Variants in NAALADL2 observed in about 807,000 individuals in gnomAD.
NAALADL2 encodes the protein N-acetylated alpha-linked acidic dipeptidase like 2.
Under a neutral mutation model 87.2 loss-of-function variants are expected in NAALADL2, and 76 were observed. The ratio of observed to expected loss-of-function variants is 0.87; its 90% CI spans 0.72 to 1.05. The LOEUF is 1.05. Among genes scored for constraint, NAALADL2 ranks in the 50% least tolerant of loss-of-function variants. The pLI is 0.00. For synonymous variants in NAALADL2, 354 were observed against 331.0 expected (o/e 1.07, Z -0.75); for missense variants, 1,089 against 945.8 (o/e 1.15, Z -1.99).
rs1750117934 is a variant in NAALADL2 at position 175,013,079 on chromosome 3, AATACATAT to A, written c.44-83710_44-83703del. Among the ~76,000 whole-genome samples, 14 of 89,766 alleles carry A rather than the reference AATACATAT, an allele frequency of 1.6e-4. 1 individual carries two copies. In the South Asian group the frequency reaches 2.0e-3, roughly 13 times the overall value. The allele number at this position is 89,766 out of a possible 152,430, so 58.9% of individuals were successfully genotyped here. On this transcript the variant is annotated intron_variant, in intron 1 of 13. Coordinates refer to ENST00000454872, the MANE Select transcript of NAALADL2 (RefSeq NM_207015.3). Reference sequence around the variant, plus strand: ...TATATACACATATATATAAATATGTAATACATATTTATATATAAATATACATATTTATA... The same window carrying A: ...TATATACACATATATATAAATATGTATTATATATAAATATACATATTTATA...
In NAALADL2 at chr3:175,700,060, T is replaced by C. The variant is rs1738768574; in HGVS notation, c.1897-37246T>C. ...TATTAATTTTCTGCATCCAGAAGTA[T>C]TTACTTCCCTTATATTTGCAATCAA... On this transcript the variant is annotated intron_variant, in intron 11 of 13. Transcript: ENST00000454872. Among the ~76,000 whole-genome samples the C allele has an allele frequency of 2.0e-5, 3 of 152,148 alleles. No homozygotes were observed. In the South Asian group the frequency reaches 6.2e-4, roughly 31 times the overall value.
In NAALADL2 at chr3:175,137,003, A is replaced by G. The variant is rs529746764; in HGVS notation, c.545+39712A>G. Among the ~76,000 whole-genome samples, 27 of 152,306 alleles carry G rather than the reference A, an allele frequency of 1.8e-4. 1 individual carries two copies. The South Asian group carries it at 5.4e-3, about 30-fold the overall frequency. On this transcript the variant is annotated intron_variant, in intron 2 of 13. Coordinates refer to ENST00000454872, the MANE Select transcript of NAALADL2 (RefSeq NM_207015.3). ...ATAGAATTCCCTTGATAAACCCCCA[A>G]TTAAACTTTTGTTCTGGGAACTTAA...
chr3:174,804,858 A>G (rs1410411538), intron 3 of NAALADL2, among the ~76,000 whole-genome samples: 1 of 152,186 alleles, frequency 6.6e-6, no homozygotes, highest in Admixed American at 6.6e-5. Context: ...TATATTTATT[A>G]GTAAAATTAA....
intron 9 of NAALADL2, among the ~76,000 whole-genome samples, chr3:175,484,412 A>G (rs1253437092): frequency 1.3e-5 from 2 of 152,122 alleles, no homozygotes; most frequent in South Asian, 2.1e-4. Flanking sequence ...ATTGCTGTCA[A>G]CATAGTTAAA....
chr3:175,120,620 T>C (rs1437609192), intron 2 of NAALADL2, among the ~76,000 whole-genome samples: 1 of 151,846 alleles, frequency 6.6e-6, no homozygotes, highest in East Asian at 1.9e-4. Flanking sequence ...CATGTTACAA[T>C]GGTCTTGCAA....
chr3:175,351,856 G>A (rs567751087), intron 5 of NAALADL2, among the ~76,000 whole-genome samples: 5 of 152,148 alleles, frequency 3.3e-5, no homozygotes, highest in South Asian at 4.1e-4. Context: ...TGGGGGTGGC[G>A]AATGTGTTTA....
intron 1 of NAALADL2, among the ~76,000 whole-genome samples, chr3:174,486,122 T>C (rs1010936843): frequency 6.6e-4 from 101 of 152,140 alleles, no homozygotes; most frequent in Middle Eastern, 3.4e-3. Flanking sequence ...ACACCTGGAA[T>C]TGAGTATTTC....
chr3:175,412,927 A>ATTATTATTATTT (rs1216480862), intron 5 of NAALADL2, among the ~76,000 whole-genome samples: 44 of 145,632 alleles, frequency 3.0e-4, no homozygotes, highest in Non-Finnish European at 5.4e-4. Flanking sequence ...TATTATTATT[A>ATTATTATTATTT]TTTTTGAGAC....
intron 1 of NAALADL2, among the ~76,000 whole-genome samples, chr3:174,906,874 C>A (rs888123451): frequency 6.6e-6 from 1 of 152,060 alleles, no homozygotes; most frequent in Non-Finnish European, 1.5e-5. Context: ...AATCACCTCA[C>A]CTCAGATTCT....
rs190434412 is a variant in NAALADL2, at chr3:175,143,900, A to G, written c.545+46609A>G. ...TCAAAGCTAGTGTTCCCTCTACTTCACTATGCTGGCTTGCTGTATGCAATA... is the reference window on the plus strand; with the variant it reads ...TCAAAGCTAGTGTTCCCTCTACTTCGCTATGCTGGCTTGCTGTATGCAATA... On this transcript the variant is annotated intron_variant, in intron 2 of 13. Coordinates refer to ENST00000454872, the MANE Select transcript of NAALADL2 (RefSeq NM_207015.3). Among the ~76,000 whole-genome samples the G allele has an allele frequency of 4.3e-3, 650 of 152,000 alleles. 5 individuals carry two copies. Among genetic ancestry groups the G allele is most frequent in the African/African-American group, 0.014 (586 of 41,502 alleles).
intron 5 of NAALADL2, among the ~76,000 whole-genome samples, chr3:175,441,203 C>T (rs1003416644): frequency 1.3e-5 from 2 of 151,846 alleles, no homozygotes; most frequent in African/African-American, 2.4e-5. Flanking sequence ...AAAAAAAATC[C>T]CACAAAGTTC....
chr3:175,324,146 A>G (rs1474786031), intron 4 of NAALADL2, 29 bp from the exon 5 acceptor site: 1 of 1,606,658 alleles, frequency 6.2e-7, no homozygotes, highest in Non-Finnish European at 8.5e-7. Context: ...GCATGATAAT[A>G]TTTTTAATAG....
chr3:174,441,578 G>A (rs1437217945), intron 1 of NAALADL2, among the ~76,000 whole-genome samples: 5 of 152,216 alleles, frequency 3.3e-5, no homozygotes, highest in African/African-American at 1.2e-4. Flanking sequence ...GCTTTCTTAA[G>A]GAAGTTTATG....
chr3:174,646,218 G>T (rs922972223), intron 2 of NAALADL2, among the ~76,000 whole-genome samples: 2 of 152,066 alleles, frequency 1.3e-5, no homozygotes, highest in Non-Finnish European at 2.9e-5. Context: ...AAATTCTTGA[G>T]CAGGACCATT....
At chr3:174,997,849 A>G (rs1462446508) in intron 1 of NAALADL2, among the ~76,000 whole-genome samples, 1 of 151,810 alleles carries the variant, frequency 6.6e-6, no homozygotes, top group Non-Finnish European at 1.5e-5. Context: ...CAACAACAAC[A>G]ACAACAACAA....
In NAALADL2 at chr3:174,550,480, T is replaced by G. The variant is rs1430720798; in HGVS notation, c.-183-89T>G. The G allele has an allele frequency of 2.6e-5, 4 of 152,112 alleles. No homozygotes were observed. In the East Asian group the frequency reaches 7.7e-4, roughly 29 times the overall value. 9.4% of individuals were successfully genotyped at this position (152,112 alleles called of 1,614,324 possible). ...TCTGCAACGTAGTTAAAAGAGGTGATTAAATTAAAGCCACAGACTTGTTTT... is the reference window on the plus strand; with the variant it reads ...TCTGCAACGTAGTTAAAAGAGGTGAGTAAATTAAAGCCACAGACTTGTTTT... On this transcript the variant is annotated intron_variant, in intron 1 of 3. Coordinates refer to the NAALADL2 transcript ENST00000434257.
intron 9 of NAALADL2, among the ~76,000 whole-genome samples, chr3:175,563,150 G>C (rs1419480862): frequency 1.3e-5 from 2 of 151,986 alleles, no homozygotes; most frequent in African/African-American, 4.8e-5. Context: ...GAAATTCAAG[G>C]CTTCAAGAAG....
chr3:175,248,565 T>C (rs1748439552), intron 3 of NAALADL2, among the ~76,000 whole-genome samples: 2 of 152,184 alleles, frequency 1.3e-5, no homozygotes, highest in Admixed American at 1.3e-4. Context: ...TTTATGGTTC[T>C]TCTTTTTCAG....
At chr3:174,982,801 A>ATT (rs150149804) in intron 1 of NAALADL2, among the ~76,000 whole-genome samples, 5,049 of 151,688 alleles carry the variant, frequency 0.033, 196 homozygotes, top group East Asian at 0.17. Context: ...ACCAGGTTAA[A>ATT]ATTTTTTTTT....
Sources: gnomAD v4.1 joint callset for allele counts (sites outside exome capture counted in the v4.1 genomes callset) on GRCh38, gnomAD v4.1.1 for gene constraint, MANE v1.5 for transcripts, NCBI Gene and HGNC (gene_info 2026-07-23, HGNC 2026-07-21) for gene names.